AGMO: variants seen among roughly 807,000 people sequenced by gnomAD.
AGMO encodes the protein alkylglycerol monooxygenase.
Under a neutral mutation model 60.2 loss-of-function variants are expected in AGMO, and 75 were observed. The observed-to-expected ratio is 1.25, with a 90% CI of 1.03 to 1.51. The LOEUF is 1.51. Ranked by LOEUF, AGMO falls within the 40% of genes most tolerant of loss-of-function variation. AGMO has a pLI of 0.00. For synonymous variants in AGMO, 261 were observed against 177.1 expected (o/e 1.47, Z -3.76); for missense variants, 763 against 525.5 (o/e 1.45, Z -4.42).
intron 12 of AGMO, among the ~76,000 whole-genome samples, chr7:15,302,511 CAA>C (rs1780474952): frequency 6.6e-6 from 1 of 151,966 alleles, no homozygotes; most frequent in Admixed American, 6.6e-5. Context: ...GAACAAACTT[CAA>C]AATATAATAC....
intron 12 of AGMO, among the ~76,000 whole-genome samples, chr7:15,315,269 A>G (rs1453984140): frequency 6.8e-6 from 1 of 147,408 alleles, no homozygotes; most frequent in East Asian, 2.0e-4. Context: ...ATACAACAAA[A>G]TTTTTAAGTA....
intron 3 of AGMO, among the ~76,000 whole-genome samples, chr7:15,481,908 C>G (rs571650446): frequency 5.5e-5 from 8 of 144,882 alleles, no homozygotes; most frequent in Non-Finnish European, 8.9e-5. Flanking sequence ...AAAAATCTAA[C>G]TAGAACACTC....
At chr7:15,336,679 C>G (rs973279348) in intron 12 of AGMO, among the ~76,000 whole-genome samples, 1 of 152,102 alleles carries the variant, frequency 6.6e-6, no homozygotes, top group Non-Finnish European at 1.5e-5. Flanking sequence ...TGTAATTCTG[C>G]TACTTTGTGT....
the AGMO span, among the ~76,000 whole-genome samples, chr7:15,172,163 C>G: frequency 6.6e-6 from 1 of 152,166 alleles, no homozygotes. Flanking sequence ...CATTGTAACC[C>G]TGAGGGTGTC....
chr7:15,240,467 CTTCT>C (rs1301822953), intron 12 of AGMO, among the ~76,000 whole-genome samples: 3 of 152,062 alleles, frequency 2.0e-5, no homozygotes, highest in East Asian at 1.9e-4. Flanking sequence ...AAAAATGTTC[CTTCT>C]ATCATTTTCT....
At chr7:15,483,601 AAAAC>A (rs1252242063) in intron 3 of AGMO, among the ~76,000 whole-genome samples, 11 of 151,706 alleles carry the variant, frequency 7.3e-5, no homozygotes, top group Non-Finnish European at 1.5e-4. Context: ...AAACAAACAA[AAAAC>A]CATAAAATTT....
intron 12 of AGMO, among the ~76,000 whole-genome samples, chr7:15,217,589 T>C (rs1032000473): frequency 6.6e-6 from 1 of 151,912 alleles, no homozygotes; most frequent in Non-Finnish European, 1.5e-5. Flanking sequence ...AATTTAAACA[T>C]ACATCAAATA....
the AGMO span, among the ~76,000 whole-genome samples, chr7:15,122,255 A>T: frequency 6.6e-6 from 1 of 152,124 alleles, no homozygotes; most frequent in East Asian, 1.9e-4. Context: ...ATATGAACAG[A>T]CACTTCTCTC....
intron 2 of AGMO, among the ~76,000 whole-genome samples, chr7:15,548,229 A>T (rs561047828): frequency 6.6e-6 from 1 of 152,284 alleles, no homozygotes; most frequent in Non-Finnish European, 1.5e-5. Context: ...AACAGAACAG[A>T]AAAACTGGAA....
intron 12 of AGMO, among the ~76,000 whole-genome samples, chr7:15,218,542 T>C (rs531501875): frequency 1.5e-5 from 2 of 135,900 alleles, no homozygotes; most frequent in South Asian, 4.7e-4. Flanking sequence ...AAAAATTCAT[T>C]TCCTTTAAAA....
intron 12 of AGMO, among the ~76,000 whole-genome samples, chr7:15,335,956 A>G (rs1252471463): frequency 3.9e-5 from 6 of 152,148 alleles, no homozygotes; most frequent in Non-Finnish European, 8.8e-5. Context: ...ACTTTGTAAT[A>G]TATCTCCATC....
At chr7:15,503,256 C>G (rs1783433796) in intron 3 of AGMO, among the ~76,000 whole-genome samples, 1 of 151,978 alleles carries the variant, frequency 6.6e-6, no homozygotes, top group Non-Finnish European at 1.5e-5. Context: ...GTCAAGCATA[C>G]ATTGTGTCAC....
the AGMO span, among the ~76,000 whole-genome samples, chr7:15,143,562 C>T: frequency 6.6e-6 from 1 of 152,174 alleles, no homozygotes; most frequent in Admixed American, 6.5e-5. Flanking sequence ...TAAATATTTA[C>T]ACTTTAAATA....
intron 3 of AGMO, among the ~76,000 whole-genome samples, chr7:15,520,701 T>A (rs1190019446): frequency 5.9e-5 from 9 of 152,150 alleles, no homozygotes; most frequent in African/African-American, 2.2e-4. Context: ...GCTAAAGCAG[T>A]GTCTAGAGGA....
At chr7:15,504,008 G>A (rs1783450178) in intron 3 of AGMO, among the ~76,000 whole-genome samples, 1 of 152,026 alleles carries the variant, frequency 6.6e-6, no homozygotes, top group African/African-American at 2.4e-5. Flanking sequence ...TGTCCTCAAA[G>A]CAATGACAGA....
At chr7:15,385,901 C>A (rs1295089794) in intron 9 of AGMO, among the ~76,000 whole-genome samples, 2 of 152,252 alleles carry the variant, frequency 1.3e-5, no homozygotes, top group East Asian at 3.9e-4. Flanking sequence ...ACAGAAGGTG[C>A]CAGATGTGGT....
chr7:15,266,198 GTTA>G (rs1365792369), intron 12 of AGMO, among the ~76,000 whole-genome samples: 1 of 151,986 alleles, frequency 6.6e-6, no homozygotes, highest in Non-Finnish European at 1.5e-5. Context: ...AATAGGTATA[GTTA>G]TTGTTTAATA....
intron 12 of AGMO, among the ~76,000 whole-genome samples, chr7:15,212,710 G>C (rs926539041): frequency 6.6e-6 from 1 of 151,902 alleles, no homozygotes; most frequent in African/African-American, 2.4e-5. Flanking sequence ...ATTCCCTGAA[G>C]TAACCATGAT....
chr7:15,169,370 A>G, the AGMO span, among the ~76,000 whole-genome samples: 1 of 152,216 alleles, frequency 6.6e-6, no homozygotes, highest in Non-Finnish European at 1.5e-5. Flanking sequence ...CATATTCTCA[A>G]TTCGACTGAA....
Sources: allele counts gnomAD v4.1 joint callset (sites outside exome capture counted in the v4.1 genomes callset), GRCh38; gene constraint gnomAD v4.1.1; transcripts MANE v1.5; gene names NCBI Gene and HGNC (gene_info 2026-07-23, HGNC 2026-07-21).